The following TEAD4 variants were observed in gnomAD, a reference collection of about 807,000 sequenced individuals.
TEAD4 encodes the protein TEA domain transcription factor 4.
Under a neutral mutation model 52.4 loss-of-function variants are expected in TEAD4, and 36 were observed. The ratio of observed to expected loss-of-function variants is 0.69; its 90% confidence interval spans 0.53 to 0.91. The LOEUF is 0.91. Among genes scored for constraint, TEAD4 ranks in the 40% least tolerant of loss-of-function variants. TEAD4 has a pLI of 0.00. For synonymous variants in TEAD4, 220 were observed against 231.0 expected (o/e 0.95, Z 0.43); for missense variants, 508 against 583.9 (o/e 0.87, Z 1.34).
rs1021840520 is a variant in TEAD4 at position 3,037,915 on chromosome 12, G to A, written c.898-53G>A. On this transcript the variant is annotated intron_variant, in intron 10 of 12. Coordinates refer to ENST00000359864, the MANE Select transcript of TEAD4 (RefSeq NM_003213.4). ...ACCCTGAGGTCTCCTTGATGCTCCC[G>A]TCTGACATGGCACCTGCTGACACTC... 5.5e-5 allele frequency: 87 copies of A among 1,578,982 alleles called. 1 individual carries two copies. The highest frequency in any genetic ancestry group is 5.0e-4 in the East Asian group (22 of 43,960).
chr12:3,022,640 T>G (rs144489903), intron 10 of TEAD4, among the ~76,000 whole-genome samples: 103 of 152,294 alleles, frequency 6.8e-4, no homozygotes, highest in African/African-American at 2.4e-3. Flanking sequence ...CCTCCTCCAT[T>G]GAAACGTCTT....
intron 10 of TEAD4, among the ~76,000 whole-genome samples, chr12:3,022,606 C>T (rs1423691470): frequency 1.3e-5 from 2 of 152,196 alleles, no homozygotes; most frequent in African/African-American, 2.4e-5. Context: ...CACCTCACCC[C>T]GGGCAGGTAT....
chr12:2,993,310 ATTTG>A (rs942710235), intron 2 of TEAD4, among the ~76,000 whole-genome samples: 1 of 152,094 alleles, frequency 6.6e-6, no homozygotes, highest in African/African-American at 2.4e-5. Context: ...CTCTGTTTCT[ATTTG>A]TTTGACCACT....
chr12:3,030,771 G>A (rs766821467), intron 10 of TEAD4, among the ~76,000 whole-genome samples: 6 of 152,184 alleles, frequency 3.9e-5, no homozygotes, highest in Non-Finnish European at 7.3e-5. Context: ...GTCGGCAGTC[G>A]CTGTTTGGAG....
At chr12:3,020,391 A>C (rs2098267835) in intron 8 of TEAD4, among the ~76,000 whole-genome samples, 1 of 151,696 alleles carries the variant, frequency 6.6e-6, no homozygotes, top group South Asian at 2.1e-4. Context: ...CGGCGGTTCC[A>C]TGCAGAGTGC....
chr12:3,019,038 GACC>G, intron 7 of TEAD4, 74 bp from the exon 8 acceptor site: 2 of 1,562,504 alleles, frequency 1.3e-6, no homozygotes, highest in South Asian at 2.2e-5. Flanking sequence ...CTACCACACA[GACC>G]ACTGGACCCA....
Position 2,990,610 on chromosome 12 carries a change from C to T in TEAD4, c.-29-4128C>T, listed in dbSNP as rs983293042. Among the ~76,000 whole-genome samples the T allele has an allele frequency of 2.0e-5, 3 of 151,654 alleles. No individual in the cohort carries two copies. In the South Asian group the frequency reaches 6.3e-4, roughly 32 times the overall value. On this transcript the variant is annotated intron_variant, in intron 2 of 12. Coordinates refer to ENST00000359864, the MANE Select transcript of TEAD4 (RefSeq NM_003213.4). Reference sequence around the variant, plus strand: ...CCTCCCGAGTGGCTGGGATTACAGGCGTGTGCCACCATGCCAAGCTAATTT... The same window carrying T: ...CCTCCCGAGTGGCTGGGATTACAGGTGTGTGCCACCATGCCAAGCTAATTT...
intron 9 of TEAD4, among the ~76,000 whole-genome samples, chr12:3,021,221 G>A (rs564317168): frequency 2.6e-5 from 4 of 152,110 alleles, no homozygotes; most frequent in Admixed American, 6.5e-5. Flanking sequence ...GGTGACCAGC[G>A]TCACCTGCAA....
chr12:3,035,786 C>T (rs1318419415), intron 10 of TEAD4, among the ~76,000 whole-genome samples: 1 of 147,466 alleles, frequency 6.8e-6, no homozygotes, highest in Admixed American at 6.9e-5. Context: ...TACCACTGTA[C>T]TCCAGCCTGA....
At chr12:2,961,972 G>A (rs2098215743) in intron 2 of TEAD4, among the ~76,000 whole-genome samples, 1 of 152,010 alleles carries the variant, frequency 6.6e-6, no homozygotes, top group Non-Finnish European at 1.5e-5. Context: ...GGGACAGACA[G>A]GGCTTTGTCA....
intron 2 of TEAD4, among the ~76,000 whole-genome samples, chr12:2,960,626 C>T (rs986306398): frequency 6.6e-6 from 1 of 152,202 alleles, no homozygotes; most frequent in Non-Finnish European, 1.5e-5. Context: ...TGGGTGATGT[C>T]TGTTCACGTG....
At chr12:2,987,794 G>A (rs1005185311) in intron 2 of TEAD4, among the ~76,000 whole-genome samples, 5 of 151,570 alleles carry the variant, frequency 3.3e-5, no homozygotes, top group Admixed American at 6.6e-5. Context: ...GGCCGGGCAC[G>A]GTGGCTCACA....
chr12:3,017,695 G>T (rs915413224), intron 6 of TEAD4, among the ~76,000 whole-genome samples, 169 bp downstream of exon 6: 3 of 152,196 alleles, frequency 2.0e-5, no homozygotes, highest in African/African-American at 4.8e-5. Flanking sequence ...CACACATCCC[G>T]GCTTGGCTGG....
rs1272438357 is a variant in TEAD4, at chr12:3,032,119, C to T, written c.898-5849C>T. 2.6e-5 allele frequency among the ~76,000 whole-genome samples: 4 copies of T among 152,188 alleles called. No individual in the cohort carries two copies. In the East Asian group the frequency reaches 7.7e-4, roughly 29 times the overall value. ...TCCAGAAAATAGGGCAGTGGCCCTG[C>T]GTGGAGACTAAGGTTGCCAGGAAGG... On this transcript the variant is annotated intron_variant, in intron 10 of 12. Transcript: ENST00000359864.
intron 7 of TEAD4, 117 bp downstream of exon 7, chr12:3,018,705 C>A: frequency 7.6e-7 from 1 of 1,317,642 alleles, no homozygotes; most frequent in Non-Finnish European, 1.1e-6. Flanking sequence ...TGGGGTCGGC[C>A]TTTCAGGATG....
At chr12:3,023,962 CATT>C (rs1167064394) in intron 10 of TEAD4, among the ~76,000 whole-genome samples, 2 of 152,048 alleles carry the variant, frequency 1.3e-5, no homozygotes, top group Admixed American at 1.3e-4. Flanking sequence ...AGGATTAAGA[CATT>C]ATATTTTCAT....
Position 3,017,494 on chromosome 12 carries a change from G to T in TEAD4, c.451G>T (p.Ala151Ser), listed in dbSNP as rs1290903018. ...GGCCTTCCACAGTAGCATGGCCCTC[G>T]CCCGGGGCCCCGGCCGCCCAGCAGT... The change falls in exon 6 of 13, where the codon GCC becomes TCC. Residue 151 changes from alanine to serine, a missense_variant. Physicochemically the swap from Ala to Ser is moderately conservative, Grantham distance 99. Transcript: ENST00000359864. 1 of 1,614,008 alleles carries T rather than the reference G, an allele frequency of 6.2e-7. No homozygotes were observed. The highest frequency in any genetic ancestry group is 1.1e-5 in the South Asian group (1 of 91,066).
In TEAD4 at chr12:2,989,515, C is replaced by T. The variant is rs752391991; in HGVS notation, c.-29-5223C>T. Among the ~76,000 whole-genome samples, 119 of 152,142 alleles carry T rather than the reference C, an allele frequency of 7.8e-4. 1 individual carries two copies. Among genetic ancestry groups the T allele is most frequent in the African/African-American group, 2.5e-3 (104 of 41,516 alleles). Reference sequence around the variant, plus strand: ...GTGCAATGGTGCAATATGGGCTCACCGCAACCTCTACCTCCTGGGTTCAAG... The same window carrying T: ...GTGCAATGGTGCAATATGGGCTCACTGCAACCTCTACCTCCTGGGTTCAAG... On this transcript the variant is annotated intron_variant, in intron 2 of 12. Coordinates refer to ENST00000359864, the MANE Select transcript of TEAD4 (RefSeq NM_003213.4).
chr12:2,965,355 T>G (rs2098219361), intron 2 of TEAD4, among the ~76,000 whole-genome samples: 1 of 151,552 alleles, frequency 6.6e-6, no homozygotes, highest in African/African-American at 2.4e-5. Context: ...AGGTAGGGTC[T>G]CGCTTTGTTG....
Sources: gnomAD v4.1 joint callset for allele counts (sites outside exome capture counted in the v4.1 genomes callset) on GRCh38, gnomAD v4.1.1 for gene constraint, MANE v1.5 for transcripts, NCBI Gene and HGNC (gene_info 2026-07-23, HGNC 2026-07-21) for gene names.